ACYP2: variants seen among roughly 807,000 people sequenced by gnomAD.
The protein encoded by ACYP2 is acylphosphatase-2.
In ACYP2, 12 loss-of-function variants were observed where a neutral mutation model predicts 11.2. The observed-to-expected ratio is 1.08, with a 90% CI of 0.69 to 1.74. The LOEUF (loss-of-function observed/expected upper bound fraction) is 1.74, where lower values mean the gene tolerates loss of function less well. ACYP2 is among the 40% of genes most tolerant of loss of function. The pLI, the probability that ACYP2 is intolerant of heterozygous loss-of-function variation, is 0.00. For synonymous variants in ACYP2, 43 were observed against 32.2 expected, an observed-to-expected ratio of 1.33 and a Z score of -1.13; for missense variants, 134 against 101.9, an observed-to-expected ratio of 1.31 and a Z score of -1.35.
At chr2:54,175,367 G>A (rs1437720220) in intron 6 of ACYP2, among the ~76,000 whole-genome samples, 4 of 151,986 alleles carry the variant, frequency 2.6e-5, no homozygotes, top group South Asian at 2.1e-4. Context: ...CTGTGGGATC[G>A]GTGGTGATAT....
intron 6 of ACYP2, chr2:54,255,777 C>A: frequency 6.2e-7 from 1 of 1,613,908 alleles, no homozygotes; most frequent in Non-Finnish European, 8.5e-7. Context: ...GAGCCTTCTC[C>A]CCACCTAGGC....
intron 6 of ACYP2, among the ~76,000 whole-genome samples, chr2:54,192,466 G>A (rs374723565): frequency 9.2e-5 from 14 of 152,140 alleles, no homozygotes; most frequent in East Asian, 1.9e-4. Context: ...TGTGAAATCC[G>A]AAAGTCTGAG....
chr2:54,135,605 G>A (rs1004932191), intron 5 of ACYP2, 136 bp downstream of exon 2: 3 of 609,966 alleles, frequency 4.9e-6, no homozygotes, highest in African/African-American at 1.9e-5. Flanking sequence ...AGAAATATAT[G>A]TATTTCTTTG....
chr2:54,064,009 C>A (rs545214007), intron 4 of ACYP2, among the ~76,000 whole-genome samples: 1 of 152,100 alleles, frequency 6.6e-6, no homozygotes, highest in African/African-American at 2.4e-5. Flanking sequence ...TTTTTCTTTT[C>A]TTTTCCTCTC....
chr2:54,173,004 CAT>C (rs950762241), intron 6 of ACYP2, among the ~76,000 whole-genome samples: 4 of 152,300 alleles, frequency 2.6e-5, no homozygotes, highest in Non-Finnish European at 5.9e-5. Context: ...CCGCAATAAA[CAT>C]ATGTGTGCAT....
At chr2:53,973,853 ATATGTGTGTGTGTGTGTGTGTG>A (rs1293251179) in intron 2 of ACYP2, 16 of 113,418 alleles carry the variant, frequency 1.4e-4, no homozygotes, top group African/African-American at 9.6e-4. Context: ...TGGGATATAT[ATATGTGTGTGTGTGTGTGTGTG>A]TGTGTGTGTG....
At chr2:54,173,978 T>C (rs969570530) in intron 6 of ACYP2, among the ~76,000 whole-genome samples, 2 of 152,228 alleles carry the variant, frequency 1.3e-5, no homozygotes, top group African/African-American at 4.8e-5. Flanking sequence ...TGCCTCCAGC[T>C]TTGTTCTTTT....
intron 2 of ACYP2, among the ~76,000 whole-genome samples, chr2:54,004,386 C>CTGTTCAGGTAGT (rs1412370951): frequency 1.4e-5 from 2 of 138,994 alleles, no homozygotes; most frequent in African/African-American, 5.3e-5. Context: ...GGTGAGGTGT[C>CTGTTCAGGTAGT]TGTTCAGGTA....
chr2:53,992,139 C>G (rs1281843992), intron 2 of ACYP2, among the ~76,000 whole-genome samples: 1 of 146,388 alleles, frequency 6.8e-6, no homozygotes, highest in African/African-American at 2.5e-5. Context: ...TTCTTTCTTC[C>G]TTCCTTTCTT....
intron 2 of ACYP2, chr2:53,975,333 G>C (rs1393052850): frequency 2.5e-6 from 1 of 398,180 alleles, no homozygotes; most frequent in East Asian, 3.6e-5. Context: ...AGCAAAATAA[G>C]GTCTCTTCCT....
At chr2:54,268,671 A>G (rs1659802859) in intron 6 of ACYP2, among the ~76,000 whole-genome samples, 2 of 150,748 alleles carry the variant, frequency 1.3e-5, no homozygotes, top group Admixed American at 6.6e-5. Context: ...TTAGCTGGGA[A>G]TGGTGGCATG....
At chr2:53,983,611 A>G (rs1175136534) in intron 2 of ACYP2, among the ~76,000 whole-genome samples, 1 of 152,214 alleles carries the variant, frequency 6.6e-6, no homozygotes, top group Non-Finnish European at 1.5e-5. Flanking sequence ...CGAGATTAAG[A>G]ATAGTATATA....
At chr2:54,174,256 T>C (rs1195771351) in intron 6 of ACYP2, among the ~76,000 whole-genome samples, 1 of 152,220 alleles carries the variant, frequency 6.6e-6, no homozygotes, top group African/African-American at 2.4e-5. Flanking sequence ...ACATCCCTTG[T>C]AAGTTGGATT....
intron 6 of ACYP2, among the ~76,000 whole-genome samples, chr2:54,229,487 G>A (rs941673371): frequency 8.5e-5 from 13 of 152,134 alleles, no homozygotes; most frequent in African/African-American, 3.1e-4. Flanking sequence ...ACTAACTTTT[G>A]CAGAATGTAT....
In ACYP2 at chr2:54,120,078, C is replaced by A. The variant is rs948688451; in HGVS notation, c.278-15375C>A. The stretch of plus-strand genomic sequence containing the variant: ...CACACCTATCAAGGGTATATACTGT[C>A]AATCTGACTTATCACTGTTGATGTT... On this transcript the variant is annotated intron_variant, in intron 4 of 6. Transcript: ENST00000607452. Among the ~76,000 whole-genome samples, 8 of 152,350 alleles carry A rather than the reference C, an allele frequency of 5.3e-5. No individual in the cohort carries two copies. The East Asian group carries it at 1.5e-3, about 29-fold the overall frequency.
intron 6 of ACYP2, among the ~76,000 whole-genome samples, chr2:54,196,217 G>T (rs1684474182): frequency 6.6e-6 from 1 of 151,940 alleles, no homozygotes; most frequent in African/African-American, 2.4e-5. Context: ...TATTTTTTCA[G>T]ACAGGGCCTC....
intron 4 of ACYP2, among the ~76,000 whole-genome samples, chr2:54,125,952 A>T (rs1044981141): frequency 1.6e-4 from 23 of 147,490 alleles, no homozygotes; most frequent in African/African-American, 5.0e-4. Context: ...ATGGTGGTGC[A>T]CGCCTATAAT....
chr2:54,097,687 C>A (rs752167188), intron 4 of ACYP2, among the ~76,000 whole-genome samples: 1 of 151,670 alleles, frequency 6.6e-6, no homozygotes, highest in African/African-American at 2.4e-5. Flanking sequence ...CCTCTTTATT[C>A]TCGGGGGAGG....
rs554647011 is a variant in ACYP2 at position 54,286,586 on chromosome 2, T to C, written c.405-18102T>C. On this transcript the variant is annotated intron_variant, in intron 6 of 6. Coordinates refer to ENST00000607452, the MANE Select transcript of ACYP2 (RefSeq NM_001320586.2). ...ATACCAGGCAACTGAAAATATAAAA[T>C]TGGTAGAAAAGATGATCCGTTTTTA... Among the ~76,000 whole-genome samples the C allele has an allele frequency of 4.6e-5, 7 of 152,160 alleles. No individual in the cohort carries two copies. The East Asian group carries it at 1.3e-3, about 29-fold the overall frequency.
Sources: allele counts gnomAD v4.1 joint callset (sites outside exome capture counted in the v4.1 genomes callset), GRCh38; gene constraint gnomAD v4.1.1; transcripts MANE v1.5; gene names NCBI Gene and HGNC (gene_info 2026-07-23, HGNC 2026-07-21).